Variants in PLXNA4 observed in about 807,000 individuals in gnomAD.
PLXNA4 encodes plexin-A4.
PLXNA4 carries 44 observed loss-of-function variants against 191.8 expected under a neutral mutation model. That is an observed-to-expected ratio of 0.23 (90% CI 0.18 to 0.29). The LOEUF is 0.29. Ranked by LOEUF, PLXNA4 falls within the 10% of genes least tolerant of loss-of-function variation. PLXNA4 has a pLI of 1.00. For missense variants in PLXNA4, 1,800 were observed against 2,488.8 expected, an observed-to-expected ratio of 0.72 and a Z score of 5.89; for synonymous variants, 1,082 against 1,009.5, an observed-to-expected ratio of 1.07 and a Z score of -1.36.
At chr7:132,608,593 C>A (rs960456528) in intron 2 of PLXNA4, among the ~76,000 whole-genome samples, 3 of 152,120 alleles carry the variant, frequency 2.0e-5, no homozygotes, top group African/African-American at 4.8e-5. Flanking sequence ...TACCCTGTGG[C>A]CAATTCATCA....
intron 3 of PLXNA4, among the ~76,000 whole-genome samples, chr7:132,440,637 GT>G (rs926600782): frequency 1.6e-4 from 25 of 152,048 alleles, no homozygotes; most frequent in East Asian, 7.8e-4. Context: ...TGCTTTTGCA[GT>G]TTTTTTTAAG....
At chr7:132,215,932 C>T (rs563803324) in intron 9 of PLXNA4, among the ~76,000 whole-genome samples, 4 of 152,170 alleles carry the variant, frequency 2.6e-5, no homozygotes, top group Non-Finnish European at 4.4e-5. Context: ...AATGTTTCCC[C>T]GAGTTTTGTG....
At chr7:132,369,317 C>T (rs1211566382) in intron 3 of PLXNA4, among the ~76,000 whole-genome samples, 1 of 152,188 alleles carries the variant, frequency 6.6e-6, no homozygotes, top group East Asian at 1.9e-4. Context: ...TTGCTGATAT[C>T]ATAAGCATTT....
intron 14 of PLXNA4, among the ~76,000 whole-genome samples, chr7:132,192,401 AG>A (rs150602263): frequency 0.017 from 2,602 of 152,134 alleles, 67 homozygotes; most frequent in African/African-American, 0.058. Context: ...AGAAGGAAGA[AG>A]GAGGAGGAGG....
chr7:132,426,834 G>A (rs533513873), intron 3 of PLXNA4, among the ~76,000 whole-genome samples: 30 of 152,222 alleles, frequency 2.0e-4, no homozygotes, highest in African/African-American at 4.6e-4. Context: ...TTCACATGTC[G>A]TCTCATTAAA....
chr7:132,254,474 C>G (rs1295504756), intron 4 of PLXNA4, among the ~76,000 whole-genome samples: 4 of 152,162 alleles, frequency 2.6e-5, no homozygotes, highest in Admixed American at 6.5e-5. Flanking sequence ...GGCTCAGCCA[C>G]TTATCAAAAA....
At chr7:132,406,631 AAAAAG>A (rs1423276021) in intron 3 of PLXNA4, among the ~76,000 whole-genome samples, 1 of 152,192 alleles carries the variant, frequency 6.6e-6, no homozygotes, top group East Asian at 1.9e-4. Flanking sequence ...AAAACCAAAA[AAAAAG>A]AAAAGAAAAG....
intron 2 of PLXNA4, among the ~76,000 whole-genome samples, chr7:132,637,385 C>A (rs931703917): frequency 2.0e-5 from 3 of 152,234 alleles, no homozygotes; most frequent in African/African-American, 7.2e-5. Context: ...GAGACCAGAG[C>A]AGGGTCCTGC....
At chr7:132,178,957 AG>A (rs1796587590) in intron 20 of PLXNA4, among the ~76,000 whole-genome samples, 2 of 146,816 alleles carry the variant, frequency 1.4e-5, no homozygotes, top group African/African-American at 5.1e-5. Flanking sequence ...ACACACACAC[AG>A]CCTCCAGCAC....
At chr7:132,597,248 C>T (rs1802728159) in intron 2 of PLXNA4, among the ~76,000 whole-genome samples, 1 of 152,094 alleles carries the variant, frequency 6.6e-6, no homozygotes, top group Non-Finnish European at 1.5e-5. Flanking sequence ...TACATTATTT[C>T]TGTTCATGCC....
chr7:132,616,609 ATTAT>A (rs1460851608), intron 2 of PLXNA4, among the ~76,000 whole-genome samples: 1 of 152,214 alleles, frequency 6.6e-6, no homozygotes, highest in Non-Finnish European at 1.5e-5. Flanking sequence ...CATGTCTAAC[ATTAT>A]TTATACTACA....
In PLXNA4 at chr7:132,500,409, C is replaced by G. The variant is rs569661468; in HGVS notation, c.1188+7097G>C. Among the ~76,000 whole-genome samples, 6 of 151,820 alleles carry G rather than the reference C, an allele frequency of 4.0e-5. No homozygotes were observed. The East Asian group carries it at 1.2e-3, about 30-fold the overall frequency. ...AGTGAGCCAAGATCGCGCCATTGCA[C>G]TCCACCCTGGGCAACAAGAGTGAAA... is the stretch of plus-strand genomic sequence containing the variant. On this transcript the variant is annotated intron_variant, in intron 2 of 31. Coordinates refer to ENST00000321063, the MANE Select transcript of PLXNA4 (RefSeq NM_020911.2).
At chr7:132,464,282 A>T (rs753895877) in intron 3 of PLXNA4, among the ~76,000 whole-genome samples, 11 of 152,224 alleles carry the variant, frequency 7.2e-5, no homozygotes, top group Non-Finnish European at 1.2e-4. Flanking sequence ...GGAGCTGCAG[A>T]GAACCTGCTA....
intron 4 of PLXNA4, among the ~76,000 whole-genome samples, chr7:132,297,661 A>G (rs1393237433): frequency 6.6e-6 from 1 of 152,042 alleles, no homozygotes; most frequent in East Asian, 1.9e-4. Flanking sequence ...AGTCCTGACC[A>G]TGGTGTTCCC....
At chr7:132,601,436 T>C (rs964828682) in intron 2 of PLXNA4, among the ~76,000 whole-genome samples, 2 of 152,222 alleles carry the variant, frequency 1.3e-5, no homozygotes, top group African/African-American at 4.8e-5. Context: ...TTCTGGTCAA[T>C]GGGATACAAG....
chr7:132,507,862 A>G lies in PLXNA4; in HGVS notation c.832T>C (p.Ser278Pro). Residue 278 changes from serine (S) to proline (P), a missense_variant, in exon 2 of 32, where the codon TCC (serine) becomes CCC (proline). This residue lies in a region of PLXNA4 where 1,397 missense variants were observed against 1,880.4 expected (regional missense o/e 0.74). Coordinates refer to ENST00000321063, the MANE Select transcript of PLXNA4 (RefSeq NM_020911.2). ...GSTTKEQVYT[S>P]KLVRLCKEDT... ...TCCTTGCAAAGCCTCACGAGCTTGG[A>G]TGTATACACCTGCTCCTTGGTGGTG... 1 of 1,614,168 alleles carries G rather than the reference A, an allele frequency of 6.2e-7. No homozygotes were observed. The highest frequency in any genetic ancestry group is 8.5e-7 in the Non-Finnish European group (1 of 1,180,030).
At chr7:132,393,963 C>A (rs2117007053) in intron 3 of PLXNA4, among the ~76,000 whole-genome samples, 1 of 151,976 alleles carries the variant, frequency 6.6e-6, no homozygotes, top group East Asian at 1.9e-4. Flanking sequence ...AGACACAGAC[C>A]ACTAATTTGC....
intron 2 of PLXNA4, among the ~76,000 whole-genome samples, chr7:132,590,414 G>T (rs894251071): frequency 3.9e-5 from 6 of 152,188 alleles, no homozygotes; most frequent in Non-Finnish European, 8.8e-5. Context: ...CGATCACAAA[G>T]TGAAGTGCCA....
intron 5 of PLXNA4, among the ~76,000 whole-genome samples, chr7:132,233,909 C>T (rs1297710002): frequency 7.6e-6 from 1 of 132,178 alleles, no homozygotes; most frequent in Admixed American, 7.8e-5. Context: ...TCGTTTTTTT[C>T]CAGATGATCC....
Sources: gnomAD v4.1 joint callset for allele counts (sites outside exome capture counted in the v4.1 genomes callset) on GRCh38, gnomAD v4.1.1 for gene constraint, gnomAD v4.1.1 regional missense constraint, MANE v1.5 for transcripts, NCBI Gene and HGNC (gene_info 2026-07-23, HGNC 2026-07-21) for gene names.